The following PDK1 variants were observed in gnomAD, a reference collection of about 807,000 sequenced individuals.
PDK1 encodes the protein [Pyruvate dehydrogenase (acetyl-transferring)] kinase isozyme 1, mitochondrial.
A neutral mutation model predicts 54.2 loss-of-function variants in PDK1; 39 were observed. That is an observed-to-expected ratio of 0.72 (90% CI 0.56 to 0.94). PDK1 has a LOEUF of 0.94. PDK1 is among the 40% of genes least tolerant of loss of function. PDK1 has a pLI of 0.00. For missense variants in PDK1, 552 were observed against 566.0 expected, an observed-to-expected ratio of 0.98 and a Z score of 0.25; for synonymous variants, 221 against 207.1, an observed-to-expected ratio of 1.07 and a Z score of -0.58.
chr2:172,713,672 C>A, the PDK1 span, among the ~76,000 whole-genome samples: 1 of 152,248 alleles, frequency 6.6e-6, no homozygotes, highest in African/African-American at 2.4e-5. Context: ...GCAACGCGGG[C>A]AGGCACTTCT....
the PDK1 span, among the ~76,000 whole-genome samples, chr2:172,636,153 A>C: frequency 2.6e-5 from 4 of 152,226 alleles, no homozygotes; most frequent in African/African-American, 9.6e-5. Flanking sequence ...ACATATCTAC[A>C]GAAGGTCTAT....
intron 6 of PDK1, among the ~76,000 whole-genome samples, chr2:172,567,311 TGAGGACATA>T (rs1307698709): frequency 1.2e-4 from 19 of 152,234 alleles, no homozygotes; most frequent in Non-Finnish European, 1.5e-5. Flanking sequence ...TTTCTGTTGT[TGAGGACATA>T]GACTGGGGTT....
At position 172,559,035 on chromosome 2, in the gene PDK1, G is replaced by A. The variant is rs1257786831; in HGVS notation, c.338+186G>A. The stretch of plus-strand genomic sequence containing the variant: ...GCGATCTTGCCTCACTGCAAGCTCC[G>A]CCTCCCGGGTTCAGGCGATTCTCCT... On this transcript the variant is annotated intron_variant, in intron 2 of 10. Transcript: ENST00000282077. Among the ~76,000 whole-genome samples the A allele has an allele frequency of 3.9e-5, 6 of 152,156 alleles. No homozygotes were observed. The South Asian group carries it at 6.2e-4, about 16-fold the overall frequency.
chr2:172,566,520 G>A (rs1055456541), intron 5 of PDK1, among the ~76,000 whole-genome samples: 3 of 151,984 alleles, frequency 2.0e-5, no homozygotes, highest in East Asian at 3.9e-4. Context: ...TAGCGCCACT[G>A]CACTCCAGCC....
At chr2:172,720,081 G>A in the PDK1 span, among the ~76,000 whole-genome samples, 1 of 148,528 alleles carries the variant, frequency 6.7e-6, no homozygotes, top group East Asian at 2.0e-4. Flanking sequence ...TTGCTGCTTG[G>A]GTGTCAAAGA....
chr2:172,686,567 G>A, the PDK1 span, among the ~76,000 whole-genome samples: 1 of 152,162 alleles, frequency 6.6e-6, no homozygotes. Flanking sequence ...GACAAATAAG[G>A]GAATAAAAGC....
chr2:172,659,851 G>A, the PDK1 span, among the ~76,000 whole-genome samples: 1 of 152,172 alleles, frequency 6.6e-6, no homozygotes, highest in Non-Finnish European at 1.5e-5. Context: ...AGTTATTGAA[G>A]GCTTTTTGTT....
the PDK1 span, among the ~76,000 whole-genome samples, chr2:172,663,380 G>T: frequency 6.6e-6 from 1 of 152,162 alleles, no homozygotes; most frequent in South Asian, 2.1e-4. Context: ...AATTTTGCAG[G>T]GGACCTAATT....
the PDK1 span, among the ~76,000 whole-genome samples, chr2:172,657,226 A>G: frequency 1.3e-5 from 2 of 151,250 alleles, no homozygotes; most frequent in Non-Finnish European, 2.9e-5. Context: ...GGGTCTCACT[A>G]TGTTGCCTAG....
chr2:172,721,265 T>A, the PDK1 span, among the ~76,000 whole-genome samples: 1 of 152,314 alleles, frequency 6.6e-6, no homozygotes, highest in South Asian at 2.1e-4. Flanking sequence ...TATCTGTAGT[T>A]TTTCTTATTT....
chr2:172,686,453 T>C, the PDK1 span, among the ~76,000 whole-genome samples: 40 of 152,202 alleles, frequency 2.6e-4, no homozygotes, highest in Non-Finnish European at 5.3e-4. Context: ...TGGAGGTTTG[T>C]AAAATGGACC....
chr2:172,645,521 A>G, the PDK1 span, among the ~76,000 whole-genome samples: 14 of 152,044 alleles, frequency 9.2e-5, no homozygotes, highest in Non-Finnish European at 2.1e-4. Flanking sequence ...GGCCTCCTAA[A>G]ATGCTGGGAT....
At chr2:172,696,314 A>G in the PDK1 span, among the ~76,000 whole-genome samples, 1 of 152,230 alleles carries the variant, frequency 6.6e-6, no homozygotes, top group African/African-American at 2.4e-5. Context: ...GCTATGCCTG[A>G]ACTCCTCACT....
chr2:172,583,850 A>G (rs191105495), intron 8 of PDK1, among the ~76,000 whole-genome samples: 34 of 152,282 alleles, frequency 2.2e-4, no homozygotes, highest in Non-Finnish European at 3.1e-4. Flanking sequence ...TTTAATCTAT[A>G]TATACATAAA....
At chr2:172,646,157 TAA>T in the PDK1 span, among the ~76,000 whole-genome samples, 1 of 152,190 alleles carries the variant, frequency 6.6e-6, no homozygotes, top group Admixed American at 6.5e-5. Flanking sequence ...CAAAATAGAT[TAA>T]GACACAACAG....
rs923186320 is a variant in PDK1, at chr2:172,604,543, C to T, written c.*8574C>T. On this transcript the variant is annotated 3_prime_UTR_variant, in exon 11 of 11. Coordinates refer to ENST00000282077, the MANE Select transcript of PDK1 (RefSeq NM_002610.5). The stretch of plus-strand genomic sequence containing the variant: ...CAATGTTCATTGCTAATACATTTCA[C>T]GTTTGAATCTCCAGTTCAGAAAAAT... 9 of 152,074 alleles carry T rather than the reference C, an allele frequency of 5.9e-5. No homozygotes were observed. Among genetic ancestry groups the T allele is most frequent in the African/African-American group, 1.2e-4 (5 of 41,404 alleles). The allele number at this position is 152,074 out of a possible 1,614,324, so 9.4% of individuals were successfully genotyped here.
the PDK1 span, among the ~76,000 whole-genome samples, chr2:172,669,818 G>A: frequency 2.0e-5 from 3 of 152,276 alleles, no homozygotes; most frequent in South Asian, 2.1e-4. Context: ...GAGACATCTG[G>A]TTGAGTCTCT....
At chr2:172,664,337 A>T in the PDK1 span, among the ~76,000 whole-genome samples, 10 of 149,236 alleles carry the variant, frequency 6.7e-5, no homozygotes, top group Non-Finnish European at 1.0e-4. Flanking sequence ...AAAAAAAAGC[A>T]TTGCCTTGCT....
intron 1 of PDK1, among the ~76,000 whole-genome samples, chr2:172,557,508 T>A (rs1688401223): frequency 6.6e-6 from 1 of 152,126 alleles, no homozygotes; most frequent in Admixed American, 6.5e-5. Flanking sequence ...AGACTTTCAG[T>A]AACCAGACAA....
Sources: allele counts gnomAD v4.1 joint callset (sites outside exome capture counted in the v4.1 genomes callset), GRCh38; gene constraint gnomAD v4.1.1; transcripts MANE v1.5; gene names NCBI Gene and HGNC (gene_info 2026-07-23, HGNC 2026-07-21).